The following PKIA variants were observed in gnomAD, a reference collection of about 807,000 sequenced individuals.
The protein encoded by PKIA is cAMP-dependent protein kinase inhibitor alpha, also known as PKI-alpha.
Under a neutral mutation model 7.6 loss-of-function variants are expected in PKIA, and 4 were observed. The observed-to-expected ratio is 0.52, with a 90% CI of 0.26 to 1.20. The LOEUF (loss-of-function observed/expected upper bound fraction) is 1.20, where lower values mean the gene tolerates loss of function less well. Ranked by LOEUF, PKIA falls within the 50% of genes most tolerant of loss-of-function variation. The pLI is 0.13. For missense variants in PKIA, 73 were observed against 86.2 expected (o/e 0.85, Z 0.61); for synonymous variants, 21 against 30.7 (o/e 0.68, Z 1.04).
intron 2 of PKIA, among the ~76,000 whole-genome samples, chr8:78,573,724 G>T (rs563370839): frequency 1.2e-4 from 18 of 152,058 alleles, no homozygotes; most frequent in African/African-American, 3.1e-4. Context: ...CTGAATAATG[G>T]ATGAATGAAG....
intron 1 of PKIA, among the ~76,000 whole-genome samples, chr8:78,536,424 CTG>C (rs1409548514): frequency 1.3e-5 from 2 of 152,010 alleles, no homozygotes; most frequent in Admixed American, 1.3e-4. Context: ...GTTAGAGACT[CTG>C]GAAGTAGTGA....
intron 2 of PKIA, among the ~76,000 whole-genome samples, chr8:78,581,537 T>G (rs919240460): frequency 6.6e-6 from 1 of 152,132 alleles, no homozygotes; most frequent in Non-Finnish European, 1.5e-5. Flanking sequence ...CCAAATTGTC[T>G]GTTGATAGGA....
rs1340485850 is a variant in PKIA at position 78,604,451 on chromosome 8, A to G, written c.*2630A>G. 6.6e-6 allele frequency: 1 copy of G among 151,952 alleles called. No individual in the cohort carries two copies. Among genetic ancestry groups the G allele is most frequent in the African/African-American group, 2.4e-5 (1 of 41,408 alleles). 9.4% of individuals were successfully genotyped at this position (151,952 alleles called of 1,614,324 possible). ...AGAGCCAACTGCAGAGCTGTAAGGG[A>G]ACTTTTAGAGATGAACTTCTTCAGC... On this transcript the variant is annotated 3_prime_UTR_variant, in exon 4 of 4. Transcript: ENST00000396418.
At chr8:78,567,047 A>T (rs748189089) in intron 1 of PKIA, among the ~76,000 whole-genome samples, 3 of 152,156 alleles carry the variant, frequency 2.0e-5, no homozygotes, top group Non-Finnish European at 4.4e-5. Flanking sequence ...CAGAAACACA[A>T]CCATAAAACA....
chr8:78,570,657 A>G (rs1454228684), intron 1 of PKIA, among the ~76,000 whole-genome samples: 1 of 152,066 alleles, frequency 6.6e-6, no homozygotes, highest in Non-Finnish European at 1.5e-5. Flanking sequence ...CTTCCTTACA[A>G]TTAAATTCCA....
chr8:78,585,542 G>T (rs1166806665), intron 2 of PKIA, among the ~76,000 whole-genome samples: 1 of 151,962 alleles, frequency 6.6e-6, no homozygotes, highest in Admixed American at 6.6e-5. Context: ...TTATAATACT[G>T]AACAATTACA....
intron 2 of PKIA, 94 bp from the exon 3 acceptor site, chr8:78,598,264 G>A (rs1192210337): frequency 5.8e-6 from 4 of 691,796 alleles, no homozygotes; most frequent in Admixed American, 3.1e-5. Flanking sequence ...TTGTAAACAG[G>A]ACAATTGTTT....
rs144272978 is a variant in PKIA at position 78,563,193 on chromosome 8, G to A, written c.-156-9618G>A. On this transcript the variant is annotated intron_variant, in intron 1 of 3. Transcript: ENST00000396418. Reference sequence around the variant, plus strand: ...TTGGCAAGAGGCATCATCAATTAGTGGTCATCTGATCTTGCATAAATTATA... The same window carrying A: ...TTGGCAAGAGGCATCATCAATTAGTAGTCATCTGATCTTGCATAAATTATA... 1.0e-3 allele frequency among the ~76,000 whole-genome samples: 158 copies of A among 152,114 alleles called. 3 individuals are homozygous for A. The highest frequency in any genetic ancestry group is 7.5e-3 in the Admixed American group (115 of 15,276).
At chr8:78,522,755 G>A (rs570310189) in intron 1 of PKIA, among the ~76,000 whole-genome samples, 53 of 151,796 alleles carry the variant, frequency 3.5e-4, no homozygotes, top group Admixed American at 5.9e-4. Flanking sequence ...TAGTTTTTAG[G>A]GTTTTTGTTT....
At chr8:78,584,342 C>T (rs1199758291) in intron 2 of PKIA, among the ~76,000 whole-genome samples, 1 of 152,082 alleles carries the variant, frequency 6.6e-6, no homozygotes. Context: ...GGGTTGAACA[C>T]CTCTATTCAG....
intron 1 of PKIA, among the ~76,000 whole-genome samples, chr8:78,543,268 T>C (rs767298114): frequency 1.3e-5 from 2 of 152,232 alleles, no homozygotes; most frequent in African/African-American, 2.4e-5. Context: ...TCCCACCCTA[T>C]GCCTTTGACT....
At chr8:78,549,200 A>G (rs1806914088) in intron 1 of PKIA, among the ~76,000 whole-genome samples, 1 of 152,082 alleles carries the variant, frequency 6.6e-6, no homozygotes. Context: ...CATAATTTTA[A>G]TGTAGCAGGA....
intron 1 of PKIA, among the ~76,000 whole-genome samples, chr8:78,529,863 CAAG>C (rs1806351011): frequency 6.7e-6 from 1 of 148,800 alleles, no homozygotes; most frequent in Non-Finnish European, 1.5e-5. Flanking sequence ...ATGGTTAAAT[CAAG>C]AAGCAGAGAG....
At chr8:78,531,747 G>C (rs1486990035) in intron 1 of PKIA, among the ~76,000 whole-genome samples, 2 of 152,026 alleles carry the variant, frequency 1.3e-5, no homozygotes, top group African/African-American at 4.8e-5. Context: ...ACTCTTTGTT[G>C]TATGGCCATT....
At chr8:78,543,738 C>A (rs1338527846) in intron 1 of PKIA, among the ~76,000 whole-genome samples, 3 of 152,170 alleles carry the variant, frequency 2.0e-5, no homozygotes, top group Admixed American at 6.6e-5. Context: ...ATGCTAAAAT[C>A]AGGCCAGTTT....
intron 2 of PKIA, among the ~76,000 whole-genome samples, chr8:78,575,019 A>C (rs745985819): frequency 3.9e-5 from 6 of 152,100 alleles, no homozygotes; most frequent in Non-Finnish European, 8.8e-5. Context: ...TTTCATAAAT[A>C]AATGTATCTG....
chr8:78,542,342 G>A (rs17501994), intron 1 of PKIA, among the ~76,000 whole-genome samples: 12,597 of 152,146 alleles, frequency 0.083, 577 homozygotes, highest in Middle Eastern at 0.17. Flanking sequence ...GTCAACTACA[G>A]TTCACCAAGC....
At chr8:78,586,263 T>C (rs544026122) in intron 2 of PKIA, among the ~76,000 whole-genome samples, 1 of 152,312 alleles carries the variant, frequency 6.6e-6, no homozygotes, top group East Asian at 1.9e-4. Flanking sequence ...AAATCACATA[T>C]TTAATATAAT....
intron 1 of PKIA, among the ~76,000 whole-genome samples, chr8:78,543,991 A>T (rs1806759203): frequency 6.6e-6 from 1 of 152,042 alleles, no homozygotes. Flanking sequence ...GAAGTTTCTG[A>T]TCTTTGTGGC....
Sources: gnomAD v4.1 joint callset for allele counts (sites outside exome capture counted in the v4.1 genomes callset) on GRCh38, gnomAD v4.1.1 for gene constraint, MANE v1.5 for transcripts, NCBI Gene and HGNC (gene_info 2026-07-23, HGNC 2026-07-21) for gene names.